SPTBN4: variants seen among roughly 807,000 people sequenced by gnomAD.
SPTBN4 encodes spectrin beta chain, non-erythrocytic 4.
A neutral mutation model predicts 277.8 loss-of-function variants in SPTBN4; 96 were observed. That is an observed-to-expected ratio of 0.35 (90% CI 0.29 to 0.41). The LOEUF is 0.41. Among genes scored for constraint, SPTBN4 ranks in the 10% least tolerant of loss-of-function variants. The pLI is 1.00. For synonymous variants in SPTBN4, 1,481 were observed against 1,580.3 expected (o/e 0.94, Z 1.49); for missense variants, 3,006 against 3,595.7 (o/e 0.84, Z 4.19).
intron 1 of SPTBN4, among the ~76,000 whole-genome samples, chr19:40,469,480 G>C (rs1353322051): frequency 4.0e-5 from 6 of 151,658 alleles, no homozygotes; most frequent in Non-Finnish European, 5.9e-5. Flanking sequence ...GGCCAGGCTG[G>C]TCTTGAACTC....
In SPTBN4 at chr19:40,541,537, C is replaced by T. The variant is rs539233549; in HGVS notation, c.4359+7194C>T. Among the ~76,000 whole-genome samples, 13 of 152,320 alleles carry T rather than the reference C, an allele frequency of 8.5e-5. No homozygotes were observed. In the East Asian group the frequency reaches 1.9e-3, roughly 23 times the overall value. On this transcript the variant is annotated intron_variant, in intron 20 of 35. Transcript: ENST00000598249. ...GGGTTGGCTGCCATCCAGCCTGGCA[C>T]GTTTCCTGGCTGTCCCATCCACCCT...
Position 40,497,527 on chromosome 19 carries a change from A to G in SPTBN4, c.707A>G (p.Asn236Ser), listed in dbSNP as rs774529480. 7.4e-6 allele frequency: 12 copies of G among 1,614,112 alleles called. No individual in the cohort carries two copies. The highest frequency in any genetic ancestry group is 1.0e-5 in the Non-Finnish European group (12 of 1,180,028). Residue 236 changes from asparagine (N) to serine (S), a missense_variant, in exon 7 of 36, where the codon AAT becomes AGT. Physicochemically the swap from Asn to Ser is conservative, Grantham distance 46. Around this residue, in one of 5 missense-constraint regions of SPTBN4, gnomAD observed 1,759 missense variants for 2,061.5 expected, o/e 0.85. Coordinates refer to ENST00000598249, the MANE Select transcript of SPTBN4 (RefSeq NM_020971.3). ...LVDFSKLTKS[N>S]ANYNLQRAFR... ...GACTTCAGCAAACTCACCAAGTCCA[A>G]TGCCAACTACAACCTGCAGAGAGCC...
chr19:40,554,399 C>G lies in SPTBN4; in HGVS notation c.4927C>G (p.Leu1643Val). 1 of 1,587,600 alleles carries G rather than the reference C, an allele frequency of 6.3e-7. No individual in the cohort carries two copies. Among genetic ancestry groups the G allele is most frequent in the Non-Finnish European group, 8.6e-7 (1 of 1,169,104 alleles). ...VEAWLGEQEL[L>V]MMSEDKGKDE... is the part of the protein sequence containing the mutation. The stretch of plus-strand genomic sequence containing the variant: ...GGCGTGGCTGGGCGAGCAGGAGCTG[C>G]TCATGATGAGTGAGGACAAGGGCAA... The change falls in exon 23 of 36, where the codon CTC becomes GTC. Residue 1643 changes from leucine to valine, a missense_variant. This residue lies in a region of SPTBN4 where 1,759 missense variants were observed against 2,061.5 expected (regional missense o/e 0.85). Transcript: ENST00000598249. The surrounding 1 kb of genome is among the most constrained non-coding windows in gnomAD (Gnocchi z 5.7).
In SPTBN4 at chr19:40,502,755, C is replaced by A; in HGVS notation, c.1204-20C>A. On this transcript the variant is annotated intron_variant, in intron 10 of 35. Coordinates refer to ENST00000598249, the MANE Select transcript of SPTBN4 (RefSeq NM_020971.3). This position sits in a 1 kb window ranked among gnomAD's most constrained non-coding sequence, Gnocchi z 4.9. ...GTGGGGAGCTGTCAGAGTCTGAGTGCCTCCTCCCATCTCCTGCAGGCATGG... is the reference window on the plus strand; with the variant it reads ...GTGGGGAGCTGTCAGAGTCTGAGTGACTCCTCCCATCTCCTGCAGGCATGG... 6.2e-7 allele frequency: 1 copy of A among 1,611,442 alleles called. No individual in the cohort carries two copies. Among genetic ancestry groups the A allele is most frequent in the African/African-American group, 1.3e-5 (1 of 75,002 alleles).
rs756331343 is a variant in SPTBN4, at chr19:40,502,213, C to A, written c.983C>A (p.Thr328Asn). 6.2e-7 allele frequency: 1 copy of A among 1,614,032 alleles called. No individual in the cohort carries two copies. Among genetic ancestry groups the A allele is most frequent in the Non-Finnish European group, 8.5e-7 (1 of 1,180,036 alleles). ...GAGCTGCTGGCCTGGATCCACCGCA[C>A]CGTGGGCCTCATCAGCAATCAGAAA... ...AAELLAWIHR[T>N]VGLISNQKFA... is the part of the protein sequence containing the mutation. Residue 328 changes from threonine (T) to asparagine (N), a missense_variant, in exon 9 of 36, where the codon ACC (threonine) becomes AAC (asparagine). Physicochemically the swap from Thr to Asn is moderately conservative, Grantham distance 65. Transcript: ENST00000598249. This position sits in a 1 kb window ranked among gnomAD's most constrained non-coding sequence, Gnocchi z 4.9.
In SPTBN4 at chr19:40,512,976, C is replaced by T. The variant is rs753879499; in HGVS notation, c.2187C>T (p.Gly729=). Residue 729 remains glycine, a synonymous_variant, in exon 14 of 36, where the codon GGC becomes GGT. Transcript: ENST00000598249. ...GTGGCGAGGAGCTGGTTGCGGCCGG[C>T]GGTGCCGTCGGCCCGGGAGCAGACA... ...LRCGEELVAA[G]GAVGPGADTV... is the part of the protein sequence containing the mutation. The T allele has an allele frequency of 2.8e-6, 4 of 1,411,604 alleles. No homozygotes were observed. Among genetic ancestry groups the T allele is most frequent in the South Asian group, 3.0e-5 (2 of 67,226 alleles). The allele number at this position is 1,411,604 out of a possible 1,614,324, so 87.4% of individuals were successfully genotyped here. A position where few individuals can be genotyped will look rare whatever the true frequency, so the allele number is the denominator to read the frequency against.
chr19:40,526,398 C>T (rs1012864858), intron 17 of SPTBN4, among the ~76,000 whole-genome samples: 1 of 151,972 alleles, frequency 6.6e-6, no homozygotes, highest in Non-Finnish European at 1.5e-5. Flanking sequence ...TCTCAAACTC[C>T]TGACTTCAAG....
At chr19:40,501,440 G>A (rs1333674376) in intron 7 of SPTBN4, among the ~76,000 whole-genome samples, 1 of 152,034 alleles carries the variant, frequency 6.6e-6, no homozygotes, top group African/African-American at 2.4e-5. Context: ...AGGCCGAGGT[G>A]GGCGGATCAC....
rs181642149 is a variant in SPTBN4 at position 40,521,746 on chromosome 19, A to G, written c.3654+1595A>G. Reference sequence around the variant, plus strand: ...TGATCTAGGGAGTGGAGGAGAAAGGACAGAGAGCCCCTGAATCATAAGATT... The same window carrying G: ...TGATCTAGGGAGTGGAGGAGAAAGGGCAGAGAGCCCCTGAATCATAAGATT... On this transcript the variant is annotated intron_variant, in intron 16 of 35. Transcript: ENST00000598249. 3.7e-3 allele frequency among the ~76,000 whole-genome samples: 566 copies of G among 152,262 alleles called. 9 individuals are homozygous for G. Among genetic ancestry groups the G allele is most frequent in the African/African-American group, 0.013 (542 of 41,546 alleles).
At chr19:40,523,000 G>A (rs145058284) in intron 16 of SPTBN4, among the ~76,000 whole-genome samples, 1,808 of 152,170 alleles carry the variant, frequency 0.012, 33 homozygotes, top group African/African-American at 0.041. Context: ...CGGGCATGGT[G>A]GTATGCACCT....
At chr19:40,478,681 T>G (rs750419079) in intron 2 of SPTBN4, among the ~76,000 whole-genome samples, 59 of 152,034 alleles carry the variant, frequency 3.9e-4, no homozygotes, top group Non-Finnish European at 6.5e-4. Flanking sequence ...GAGTAGTTGG[T>G]ATTACAGGCG....
chr19:40,532,825 A>T, intron 19 of SPTBN4, 54 bp downstream of exon 19: 1 of 1,547,982 alleles, frequency 6.5e-7, no homozygotes, highest in East Asian at 2.3e-5. Flanking sequence ...GCCTCCAGGG[A>T]GCCCACGTCT....
intron 12 of SPTBN4, among the ~76,000 whole-genome samples, chr19:40,505,743 G>GAAGGAAGGAAGGAAGA (rs1568786467): frequency 3.3e-5 from 5 of 150,776 alleles, no homozygotes; most frequent in African/African-American, 1.2e-4. Context: ...AGGAAGGAAG[G>GAAGGAAGGAAGGAAGA]AAGGAAGGAA....
chr19:40,567,511 C>T, intron 30 of SPTBN4, 152 bp from the exon 31 acceptor site: 1 of 639,420 alleles, frequency 1.6e-6, no homozygotes, highest in South Asian at 3.9e-5. Context: ...TGGCAGAGAG[C>T]AAAGCATCGC....
chr19:40,538,291 G>A (rs2080760983), intron 20 of SPTBN4, among the ~76,000 whole-genome samples: 1 of 151,832 alleles, frequency 6.6e-6, no homozygotes, highest in Non-Finnish European at 1.5e-5. Flanking sequence ...CGGGAGGCTG[G>A]GGCATGAGAA....
Position 40,490,022 on chromosome 19 carries a change from C to T in SPTBN4, c.322-53C>T. Reference sequence around the variant, plus strand: ...TTTGGAAGCTGCGGGGCCGAGGGCGCCATACTCCTGTCTGTCCAGACCCCC... The same window carrying T: ...TTTGGAAGCTGCGGGGCCGAGGGCGTCATACTCCTGTCTGTCCAGACCCCC... On this transcript the variant is annotated intron_variant, in intron 3 of 35. Transcript: ENST00000598249. This position sits in a 1 kb window ranked among gnomAD's most constrained non-coding sequence, Gnocchi z 4.3. 1 of 1,506,468 alleles carries T rather than the reference C, an allele frequency of 6.6e-7. No homozygotes were observed. Among genetic ancestry groups the T allele is most frequent in the Non-Finnish European group, 8.9e-7 (1 of 1,126,334 alleles). 93.3% of individuals were successfully genotyped at this position (1,506,468 alleles called of 1,614,324 possible).
chr19:40,546,213 G>A lies in SPTBN4; in HGVS notation c.4360-2976G>A, dbSNP rs372282257. Among the ~76,000 whole-genome samples the A allele has an allele frequency of 8.4e-3, 868 of 103,822 alleles. 19 individuals are homozygous for A. Among genetic ancestry groups the A allele is most frequent in the African/African-American group, 0.03 (828 of 27,180 alleles). The allele number at this position is 103,822 out of a possible 152,430, so 68.1% of individuals were successfully genotyped here. ...GCACTCCAGCCTGGGCAAAAAGAGCGAAACTCCATCTCAAAAAAAAAAAAA... is the reference window on the plus strand; with the variant it reads ...GCACTCCAGCCTGGGCAAAAAGAGCAAAACTCCATCTCAAAAAAAAAAAAA... On this transcript the variant is annotated intron_variant, in intron 20 of 35. Transcript: ENST00000598249.
intron 16 of SPTBN4, among the ~76,000 whole-genome samples, chr19:40,521,245 C>G (rs1336948188): frequency 6.6e-6 from 1 of 152,096 alleles, no homozygotes; most frequent in Non-Finnish European, 1.5e-5. Context: ...TTTTTGGCAC[C>G]AAGGACTGGT....
intron 7 of SPTBN4, among the ~76,000 whole-genome samples, chr19:40,499,585 T>G (rs914555630): frequency 1.4e-5 from 2 of 144,936 alleles, no homozygotes; most frequent in African/African-American, 2.6e-5. Flanking sequence ...TTGGTAGAGG[T>G]GGGGTCTCGC....
Sources: gnomAD v4.1 joint callset for allele counts (sites outside exome capture counted in the v4.1 genomes callset) on GRCh38, gnomAD v4.1.1 for gene constraint, gnomAD v4.1.1 regional missense constraint, Gnocchi (gnomAD v3.1) non-coding constraint, MANE v1.5 for transcripts, NCBI Gene and HGNC (gene_info 2026-07-23, HGNC 2026-07-21) for gene names.